NUP107: variants seen among roughly 807,000 people sequenced by gnomAD.
NUP107 encodes the protein nuclear pore complex protein Nup107.
In NUP107, 101 loss-of-function variants were observed where a neutral mutation model predicts 141.0. The ratio of observed to expected loss-of-function variants is 0.72; its 90% CI spans 0.61 to 0.84. The LOEUF (loss-of-function observed/expected upper bound fraction) is 0.84. NUP107 is among the 40% of genes least tolerant of loss of function. The pLI, the probability that NUP107 is intolerant of heterozygous loss-of-function variation, is 0.00. For missense variants in NUP107, 941 were observed against 1,102.7 expected, an observed-to-expected ratio of 0.85 and a Z score of 2.08; for synonymous variants, 319 against 363.9, an observed-to-expected ratio of 0.88 and a Z score of 1.41.
intron 8 of NUP107, 36 bp from the exon 9 acceptor site, chr12:68,709,202 T>G: frequency 7.5e-7 from 1 of 1,329,598 alleles, no homozygotes; most frequent in Non-Finnish European, 1.1e-6. Context: ...CATCTTCTTT[T>G]CATTCTGTTT....
In NUP107 at chr12:68,734,715, A is replaced by G. The variant is rs145995997; in HGVS notation, c.2270A>G (p.His757Arg). 1.8e-4 allele frequency: 291 copies of G among 1,581,256 alleles called. 1 individual carries two copies. Among genetic ancestry groups the G allele is most frequent in the Middle Eastern group, 3.4e-4 (2 of 5,964 alleles). ...TTTTATTTCACATTTTAGGAAGCCC[A>G]TGAAACCTTTAATGAGTGGTTTAAG... ...HLCIRAYLEA[H>R]ETFNEWFKHM... Residue 757 changes from histidine (H) to arginine (R), a missense_variant, in exon 25 of 28, where the codon CAT becomes CGT. Physicochemically the swap from His to Arg is conservative, Grantham distance 29. Coordinates refer to ENST00000229179, the MANE Select transcript of NUP107 (RefSeq NM_020401.4).
intron 24 of NUP107, 81 bp from the exon 25 acceptor site, chr12:68,734,627 A>G (rs1237242844): frequency 9.3e-7 from 1 of 1,076,396 alleles, no homozygotes; most frequent in East Asian, 2.6e-5. Context: ...TCTAAGAATC[A>G]AATGTTAAAA....
At position 68,718,166 on chromosome 12, in the gene NUP107, G is replaced by C. The variant is rs551958956; in HGVS notation, c.1084-1175G>C. ...GAAAGCTACTCCCCATGTTGTATCA[G>C]AGATGGATACAAGAAGCTCCAAGCT... On this transcript the variant is annotated intron_variant, in intron 12 of 27. Coordinates refer to ENST00000229179, the MANE Select transcript of NUP107 (RefSeq NM_020401.4). 4.6e-4 allele frequency among the ~76,000 whole-genome samples: 70 copies of C among 152,260 alleles called. 1 individual carries two copies. The South Asian group carries it at 0.015, about 32-fold the overall frequency.
chr12:68,731,538 A>G, intron 21 of NUP107, 69 bp from the exon 22 acceptor site: 1 of 819,340 alleles, frequency 1.2e-6, no homozygotes, highest in Non-Finnish European at 1.8e-6. Context: ...CTGAATCATT[A>G]TGACTATTTA....
chr12:68,742,635 C>T lies in NUP107; in HGVS notation c.*173C>T. The T allele has an allele frequency of 8.2e-6, 3 of 363,806 alleles. No individual in the cohort carries two copies. The Middle Eastern group carries it at 2.3e-3, about 285-fold the overall frequency. The allele number at this position is 363,806 out of a possible 1,614,324, so 22.5% of individuals were successfully genotyped here. ...AACATGTAGGGATATCAGCGTTTCT[C>T]TGTGTGCTTGTTAATAAAACTATAT... On this transcript the variant is annotated 3_prime_UTR_variant, in exon 28 of 28. Transcript: ENST00000229179.
intron 6 of NUP107, 111 bp downstream of exon 6, chr12:68,697,033 G>A: frequency 1.8e-6 from 1 of 556,550 alleles, no homozygotes; most frequent in Non-Finnish European, 3.1e-6. Flanking sequence ...GGGAACAGTG[G>A]CAGGAGTGGA....
Position 68,689,562 on chromosome 12 carries a change from A to G in NUP107, c.130A>G (p.Asn44Asp). Residue 44 changes from asparagine (N) to aspartate (D), a missense_variant, in exon 3 of 28, where the codon AAT becomes GAT. Coordinates refer to ENST00000229179, the MANE Select transcript of NUP107 (RefSeq NM_020401.4). ...GGCATCTCAAGATGAAAATTTTGGT[A>G]ATACTACACCAAGAAACCAGGTTAT... is the stretch of plus-strand genomic sequence containing the variant. ...LQASQDENFGNTTPRNQVIPR... is the reference protein window; with the variant it reads ...LQASQDENFGDTTPRNQVIPR... The G allele has an allele frequency of 1.9e-6, 3 of 1,611,966 alleles. No individual in the cohort carries two copies. The South Asian group carries it at 3.3e-5, about 18-fold the overall frequency.
chr12:68,704,706 T>A (rs1876494282), intron 8 of NUP107, among the ~76,000 whole-genome samples: 1 of 152,056 alleles, frequency 6.6e-6, no homozygotes, highest in Non-Finnish European at 1.5e-5. Context: ...CCACCTGTTT[T>A]GGCCTCCCAA....
chr12:68,716,330 G>A (rs1423815075), intron 12 of NUP107, among the ~76,000 whole-genome samples: 4 of 145,634 alleles, frequency 2.7e-5, no homozygotes, highest in African/African-American at 1.0e-4. Flanking sequence ...CTTACCTCCC[G>A]GGCTCAAGCC....
intron 23 of NUP107, 144 bp from the exon 24 acceptor site, chr12:68,733,308 G>A: frequency 1.7e-6 from 1 of 584,398 alleles, no homozygotes. Flanking sequence ...CAGGTAGAAA[G>A]ATCACCAAGA....
chr12:68,741,898 C>T lies in NUP107; in HGVS notation c.2588C>T (p.Thr863Met), dbSNP rs753777420. The T allele has an allele frequency of 9.9e-6, 16 of 1,613,760 alleles. 1 individual carries two copies. Among genetic ancestry groups the T allele is most frequent in the South Asian group, 8.8e-5 (8 of 91,084 alleles). The part of the protein sequence containing the change: ...CLPMLCFLLH[T>M]ILHSTGQYQE... Reference sequence around the variant, plus strand: ...CCAATGTTGTGTTTTCTGCTTCATACGATATTGCACAGTACTGGTCAGTAT... The same window carrying T: ...CCAATGTTGTGTTTTCTGCTTCATATGATATTGCACAGTACTGGTCAGTAT... The change falls in exon 27 of 28, where the codon ACG (threonine) becomes ATG (methionine). Residue 863 changes from threonine to methionine, a missense_variant. By Grantham distance (81) the Thr-to-Met change is moderately conservative. Transcript: ENST00000229179.
Position 68,731,092 on chromosome 12 carries a change from T to C in NUP107, c.1735-18T>C, listed in dbSNP as rs769675915. The C allele has an allele frequency of 6.6e-7, 1 of 1,514,778 alleles. No homozygotes were observed. The highest frequency in any genetic ancestry group is 9.0e-7 in the Non-Finnish European group (1 of 1,112,368). 93.8% of individuals were successfully genotyped at this position (1,514,778 alleles called of 1,614,324 possible). A position where few individuals can be genotyped will look rare whatever the true frequency, so the allele number is the denominator to read the frequency against. On this transcript the variant is annotated intron_variant, in intron 20 of 27. Transcript: ENST00000229179. ...TAATTTTATTATTGACATACTTTGA[T>C]CTTTTTCTATTTTTTAGCTTTTAAT...
chr12:68,709,845 T>G (rs1003704835), intron 9 of NUP107, among the ~76,000 whole-genome samples, 160 bp from the exon 10 acceptor site: 1 of 151,506 alleles, frequency 6.6e-6, no homozygotes, highest in African/African-American at 2.4e-5. Context: ...GCCGAGATTA[T>G]GCCACTGCAC....
chr12:68,692,842 C>T (rs1335137145), intron 5 of NUP107, among the ~76,000 whole-genome samples: 1 of 151,248 alleles, frequency 6.6e-6, no homozygotes, highest in Non-Finnish European at 1.5e-5. Context: ...CTCCGCCTCC[C>T]AGGTTTAAAT....
chr12:68,740,229 A>C (rs1878268225), intron 26 of NUP107: 1 of 152,220 alleles, frequency 6.6e-6, no homozygotes, highest in African/African-American at 2.4e-5. Context: ...CAGAAAGACT[A>C]CATTGGAGCA....
intron 12 of NUP107, among the ~76,000 whole-genome samples, chr12:68,716,154 A>G (rs1264780482): frequency 6.6e-6 from 1 of 151,710 alleles, no homozygotes; most frequent in Non-Finnish European, 1.5e-5. Flanking sequence ...GGCCTTAAAA[A>G]GTGCTGGGAT....
chr12:68,701,133 T>C (rs1876308319), intron 7 of NUP107, among the ~76,000 whole-genome samples: 1 of 152,194 alleles, frequency 6.6e-6, no homozygotes, highest in African/African-American at 2.4e-5. Flanking sequence ...AGCTGAAAGT[T>C]AGACTTCATG....
chr12:68,718,338 A>C (rs891687904), intron 12 of NUP107, among the ~76,000 whole-genome samples: 1 of 152,234 alleles, frequency 6.6e-6, no homozygotes, highest in Non-Finnish European at 1.5e-5. Context: ...ACAGGAGCCA[A>C]GAATGGGGAA....
intron 12 of NUP107, among the ~76,000 whole-genome samples, chr12:68,716,384 C>T (rs1249642290): frequency 6.6e-6 from 1 of 152,002 alleles, no homozygotes; most frequent in Non-Finnish European, 1.5e-5. Flanking sequence ...GTACACGCCA[C>T]TATGCCCAAC....
Sources: allele counts gnomAD v4.1 joint callset (sites outside exome capture counted in the v4.1 genomes callset), GRCh38; gene constraint gnomAD v4.1.1; transcripts MANE v1.5; gene names NCBI Gene and HGNC (gene_info 2026-07-23, HGNC 2026-07-21).